PAK5: variants seen among roughly 807,000 people sequenced by gnomAD.
PAK5 encodes serine/threonine-protein kinase PAK 5.
A neutral mutation model predicts 65.9 loss-of-function variants in PAK5; 16 were observed. That is an observed-to-expected ratio of 0.24 (90% CI 0.16 to 0.37). PAK5 has a LOEUF of 0.37. Among genes scored for constraint, PAK5 ranks in the 10% least tolerant of loss-of-function variants. PAK5 has a pLI of 1.00. For missense variants in PAK5, 785 were observed against 903.9 expected (o/e 0.87, Z 1.69); for synonymous variants, 371 against 354.9 (o/e 1.05, Z -0.51).
intron 2 of PAK5, among the ~76,000 whole-genome samples, chr20:9,694,028 A>G (rs1226804998): frequency 6.6e-6 from 1 of 152,024 alleles, no homozygotes; most frequent in African/African-American, 2.4e-5. Context: ...GTTGAATCAC[A>G]TAAGATCTCT....
intron 1 of PAK5, among the ~76,000 whole-genome samples, chr20:9,782,131 T>C (rs2048946994): frequency 3.9e-5 from 6 of 152,168 alleles, no homozygotes. Flanking sequence ...CTTCCTGACA[T>C]GTTCCTTGGG....
intron 2 of PAK5, among the ~76,000 whole-genome samples, chr20:9,695,408 T>C (rs2047854771): frequency 6.6e-6 from 1 of 152,084 alleles, no homozygotes; most frequent in African/African-American, 2.4e-5. Context: ...ACCTTCTATG[T>C]CCTATTGAAA....
intron 3 of PAK5, among the ~76,000 whole-genome samples, chr20:9,639,933 A>T (rs1048327419): frequency 2.0e-5 from 3 of 152,252 alleles, no homozygotes; most frequent in Non-Finnish European, 4.4e-5. Flanking sequence ...GCTCTCAAAC[A>T]GGACCTGCTA....
chr20:9,835,249 T>C (rs1232155900), intron 1 of PAK5, among the ~76,000 whole-genome samples: 1 of 152,098 alleles, frequency 6.6e-6, no homozygotes, highest in African/African-American at 2.4e-5. Context: ...CTTACAGACA[T>C]AGCCAAACAA....
chr20:9,826,689 C>T (rs1336010375), intron 1 of PAK5, among the ~76,000 whole-genome samples: 1 of 152,176 alleles, frequency 6.6e-6, no homozygotes, highest in African/African-American at 2.4e-5. Context: ...ATTTATTTCT[C>T]TCCCAAACTT....
At chr20:9,822,350 G>T (rs1032760356) in intron 1 of PAK5, among the ~76,000 whole-genome samples, 1 of 150,792 alleles carries the variant, frequency 6.6e-6, no homozygotes, top group Non-Finnish European at 1.5e-5. Flanking sequence ...TTACTCTTAG[G>T]AATATTTTAT....
At chr20:9,552,449 T>C (rs2045443319) in intron 7 of PAK5, among the ~76,000 whole-genome samples, 1 of 152,178 alleles carries the variant, frequency 6.6e-6, no homozygotes, top group Admixed American at 6.5e-5. Context: ...CTTCTGAAGG[T>C]TTTACACACA....
intron 1 of PAK5, among the ~76,000 whole-genome samples, chr20:9,774,953 C>CA (rs1211255274): frequency 3.3e-5 from 5 of 151,662 alleles, no homozygotes; most frequent in Non-Finnish European, 5.9e-5. Flanking sequence ...GAGACTCGGT[C>CA]AAAAAAACAA....
chr20:9,596,452 C>T (rs1004735621), intron 3 of PAK5, among the ~76,000 whole-genome samples: 1 of 151,796 alleles, frequency 6.6e-6, no homozygotes, highest in Admixed American at 6.6e-5. Flanking sequence ...CTGGCTAACA[C>T]AGTGAAACCC....
chr20:9,782,424 T>C (rs528892192), intron 1 of PAK5, among the ~76,000 whole-genome samples: 3 of 152,226 alleles, frequency 2.0e-5, no homozygotes, highest in Non-Finnish European at 4.4e-5. Flanking sequence ...AGCCATCAAC[T>C]GTGAGTCATG....
At chr20:9,742,020 C>T (rs984235732) in intron 1 of PAK5, among the ~76,000 whole-genome samples, 1 of 152,124 alleles carries the variant, frequency 6.6e-6, no homozygotes, top group East Asian at 1.9e-4. Flanking sequence ...TGGACGCTAA[C>T]GGTGGTCCCA....
intron 1 of PAK5, among the ~76,000 whole-genome samples, chr20:9,718,089 AC>A (rs2048171282): frequency 6.6e-6 from 1 of 152,122 alleles, no homozygotes; most frequent in Non-Finnish European, 1.5e-5. Flanking sequence ...TTGGTAAGTG[AC>A]CAATATCAAT....
At chr20:9,738,071 G>C (rs6108333) in intron 1 of PAK5, among the ~76,000 whole-genome samples, 109,685 of 151,946 alleles carry the variant, frequency 0.72, 39,849 homozygotes, top group South Asian at 0.89. Context: ...AACCTGGGAG[G>C]TGGAGGTTGC....
At position 9,567,813 on chromosome 20, in the gene PAK5, A is replaced by C. The variant is rs74343346; in HGVS notation, c.991-1429T>G. 8.0e-3 allele frequency among the ~76,000 whole-genome samples: 1,224 copies of C among 152,346 alleles called. 10 individuals are homozygous for C. Among genetic ancestry groups the C allele is most frequent in the African/African-American group, 0.027 (1,114 of 41,564 alleles). ...GTGTGTGTTTCAGTAGTAATGAATA[A>C]TATTAAGAAAAATAAAGCAGAGTGA... On this transcript the variant is annotated intron_variant, in intron 4 of 9. Transcript: ENST00000353224.
At chr20:9,763,137 G>T (rs1004313070) in intron 1 of PAK5, among the ~76,000 whole-genome samples, 1 of 152,028 alleles carries the variant, frequency 6.6e-6, no homozygotes, top group African/African-American at 2.4e-5. Context: ...GGAAGCAATG[G>T]TTAGAGGGTT....
chr20:9,790,774 C>A (rs960379862), intron 1 of PAK5, among the ~76,000 whole-genome samples: 5 of 152,122 alleles, frequency 3.3e-5, no homozygotes, highest in Non-Finnish European at 7.4e-5. Flanking sequence ...GCTGGGATGG[C>A]AGGTGTGAGC....
At chr20:9,761,698 C>T (rs190406860) in intron 1 of PAK5, among the ~76,000 whole-genome samples, 2 of 152,260 alleles carry the variant, frequency 1.3e-5, no homozygotes, top group East Asian at 3.9e-4. Flanking sequence ...AAAATAGACA[C>T]ATAAGTGGGT....
chr20:9,804,929 G>T (rs183965020), intron 1 of PAK5, among the ~76,000 whole-genome samples: 1 of 152,058 alleles, frequency 6.6e-6, no homozygotes, highest in East Asian at 1.9e-4. Context: ...TCAAAAAACA[G>T]TGTGAAAAGG....
chr20:9,834,944 T>G (rs1979024768), intron 1 of PAK5, among the ~76,000 whole-genome samples: 1 of 152,226 alleles, frequency 6.6e-6, no homozygotes, highest in Non-Finnish European at 1.5e-5. Flanking sequence ...GATTGATGTA[T>G]TTTTACAAAA....
Sources: allele counts gnomAD v4.1 joint callset (sites outside exome capture counted in the v4.1 genomes callset), GRCh38; gene constraint gnomAD v4.1.1; transcripts MANE v1.5; gene names NCBI Gene and HGNC (gene_info 2026-07-23, HGNC 2026-07-21).